Variants in ENPP2 observed in about 807,000 individuals in gnomAD.
The protein encoded by ENPP2 is autotaxin.
Under a neutral mutation model 120.2 loss-of-function variants are expected in ENPP2, and 51 were observed. The ratio of observed to expected loss-of-function variants is 0.42; its 90% CI spans 0.34 to 0.54. The LOEUF (loss-of-function observed/expected upper bound fraction) is 0.54. Ranked by LOEUF, ENPP2 falls within the 20% of genes least tolerant of loss-of-function variation. The pLI, the probability that ENPP2 is intolerant of heterozygous loss-of-function variation, is 0.04. For synonymous variants in ENPP2, 365 were observed against 366.4 expected (o/e 1.00, Z 0.04); for missense variants, 920 against 1,066.5 (o/e 0.86, Z 1.91).
At chr8:119,639,800 A>T (rs1817213307), upstream of ENPP2, among the ~76,000 whole-genome samples, 1 of 152,244 alleles carries the variant, frequency 6.6e-6, no homozygotes. Flanking sequence ...TATTGTGGGT[A>T]CTAAAGTTTC....
At chr8:119,608,860 A>C (rs907081007) in intron 8 of ENPP2, among the ~76,000 whole-genome samples, 4 of 152,252 alleles carry the variant, frequency 2.6e-5, no homozygotes, top group African/African-American at 9.6e-5. Context: ...CGATAAATTT[A>C]CATATTTATT....
At chr8:119,582,905 C>A (rs944179642) in intron 17 of ENPP2, among the ~76,000 whole-genome samples, 2 of 152,156 alleles carry the variant, frequency 1.3e-5, no homozygotes, top group Non-Finnish European at 2.9e-5. Context: ...CCTGTATCTG[C>A]GATAGTTACA....
chr8:119,592,513 C>T (rs572300757), intron 12 of ENPP2, among the ~76,000 whole-genome samples: 6 of 148,226 alleles, frequency 4.0e-5, no homozygotes, highest in East Asian at 2.0e-4. Flanking sequence ...AGAAGAAGTG[C>T]TGTAGTTGTC....
chr8:119,615,247 G>A (rs1815380073), intron 8 of ENPP2, among the ~76,000 whole-genome samples: 1 of 152,060 alleles, frequency 6.6e-6, no homozygotes, highest in Non-Finnish European at 1.5e-5. Flanking sequence ...TCTCTAACCA[G>A]TGCTGCAGGA....
chr8:119,639,759 T>C (rs908966831), upstream of ENPP2, among the ~76,000 whole-genome samples: 1 of 152,312 alleles, frequency 6.6e-6, no homozygotes, highest in African/African-American at 2.4e-5. Flanking sequence ...CTTGGTTAAA[T>C]GTAGCCACCA....
At chr8:119,628,363 G>A (rs746075739) in intron 2 of ENPP2, among the ~76,000 whole-genome samples, 4 of 152,070 alleles carry the variant, frequency 2.6e-5, no homozygotes, top group Non-Finnish European at 2.9e-5. Context: ...GCTTATAAAT[G>A]TTTCACCCAG....
chr8:119,650,220 G>A (rs1817588401), intron 1 of ENPP2, among the ~76,000 whole-genome samples: 1 of 152,158 alleles, frequency 6.6e-6, no homozygotes, highest in African/African-American at 2.4e-5. Flanking sequence ...TACGCTGGGT[G>A]AAAGAAGCTA....
chr8:119,582,019 C>A lies in ENPP2; in HGVS notation c.1728+399G>T, dbSNP rs189086650. On this transcript the variant is annotated intron_variant, in intron 18 of 24. Coordinates refer to ENST00000075322, the MANE Select transcript of ENPP2 (RefSeq NM_001040092.3). ...AAGTGCTGGGATTATAGGCGTGAGC[C>A]ACCATACCTGGCCTAAACTCTCTTT... Among the ~76,000 whole-genome samples, 30 of 152,280 alleles carry A rather than the reference C, an allele frequency of 2.0e-4. No individual in the cohort carries two copies. The East Asian group carries it at 5.6e-3, about 28-fold the overall frequency.
chr8:119,585,210 C>T (rs1430802137), intron 15 of ENPP2, among the ~76,000 whole-genome samples: 1 of 152,182 alleles, frequency 6.6e-6, no homozygotes, highest in Non-Finnish European at 1.5e-5. Flanking sequence ...GTAAATTCTC[C>T]ATGAGGATTT....
At chr8:119,634,412 A>G (rs547785472) in intron 2 of ENPP2, among the ~76,000 whole-genome samples, 3 of 152,334 alleles carry the variant, frequency 2.0e-5, no homozygotes, top group South Asian at 2.1e-4. Context: ...AAATGTTGTC[A>G]TTTAAAATTA....
At chr8:119,601,546 G>A (rs1476165503) in intron 9 of ENPP2, 84 bp from the exon 10 acceptor site, 3 of 914,426 alleles carry the variant, frequency 3.3e-6, no homozygotes, top group Non-Finnish European at 3.6e-6. Flanking sequence ...CTTGCACCCA[G>A]GCCAAATGCT....
At chr8:119,588,631 A>G (rs966403875) in intron 13 of ENPP2, among the ~76,000 whole-genome samples, 3 of 151,876 alleles carry the variant, frequency 2.0e-5, no homozygotes, top group African/African-American at 2.4e-5. Flanking sequence ...CACTAAGCCA[A>G]TGGGTTTTCA....
At chr8:119,643,928 G>C (rs1817354678) in intron 1 of ENPP2, among the ~76,000 whole-genome samples, 1 of 152,136 alleles carries the variant, frequency 6.6e-6, no homozygotes, top group Non-Finnish European at 1.5e-5. Context: ...AGACAGAGGA[G>C]AGAGAACAGG....
intron 13 of ENPP2, among the ~76,000 whole-genome samples, chr8:119,587,929 C>T (rs1297016700): frequency 2.0e-5 from 3 of 152,160 alleles, no homozygotes; most frequent in African/African-American, 7.2e-5. Flanking sequence ...ATCTAAATAC[C>T]AGTGGAGCAG....
At chr8:119,583,218 C>T (rs373968152) in intron 17 of ENPP2, among the ~76,000 whole-genome samples, 56 of 152,286 alleles carry the variant, frequency 3.7e-4, no homozygotes, top group African/African-American at 1.1e-3. Flanking sequence ...CCAGGAGACC[C>T]GACTTGCAGA....
At chr8:119,581,712 C>T (rs1223006170) in intron 18 of ENPP2, among the ~76,000 whole-genome samples, 1 of 151,962 alleles carries the variant, frequency 6.6e-6, no homozygotes, top group Admixed American at 6.6e-5. Context: ...GTAAATTACT[C>T]ATTAAACATG....
chr8:119,595,958 C>T (rs745308558), intron 11 of ENPP2: 3 of 1,614,004 alleles, frequency 1.9e-6, no homozygotes, highest in Non-Finnish European at 1.7e-6. Flanking sequence ...CAACTTTCCT[C>T]TTAGGTCTCT....
chr8:119,611,796 C>A (rs1480747277), intron 8 of ENPP2, among the ~76,000 whole-genome samples: 1 of 152,064 alleles, frequency 6.6e-6, no homozygotes, highest in African/African-American at 2.4e-5. Flanking sequence ...GAGGCCAAGG[C>A]AGACAGATCA....
rs757628599 is a variant in ENPP2, at chr8:119,631,347, G to C, written c.137-4627C>G. 1.9e-4 allele frequency among the ~76,000 whole-genome samples: 28 copies of C among 149,662 alleles called. 1 individual carries two copies. The highest frequency in any genetic ancestry group is 3.5e-3 in the Middle Eastern group (1 of 284). On this transcript the variant is annotated intron_variant, in intron 2 of 24. Coordinates refer to ENST00000075322, the MANE Select transcript of ENPP2 (RefSeq NM_001040092.3). ...TTCTCCTGCCTCAGCCTCCTGAGTAGCTGGGACTACAGGTGCCCACCACCA... is the reference window on the plus strand; with the variant it reads ...TTCTCCTGCCTCAGCCTCCTGAGTACCTGGGACTACAGGTGCCCACCACCA...
Sources: gnomAD v4.1 joint callset for allele counts (sites outside exome capture counted in the v4.1 genomes callset) on GRCh38, gnomAD v4.1.1 for gene constraint, MANE v1.5 for transcripts, NCBI Gene and HGNC (gene_info 2026-07-23, HGNC 2026-07-21) for gene names.